Variants in KCNC2 observed in about 807,000 individuals in gnomAD.
KCNC2 encodes voltage-gated potassium channel KCNC2.
KCNC2 carries 21 observed loss-of-function variants against 44.5 expected under a neutral mutation model. That is an observed-to-expected ratio of 0.47 (90% CI 0.33 to 0.68). The LOEUF (loss-of-function observed/expected upper bound fraction) is 0.68. Among genes scored for constraint, KCNC2 ranks in the 30% least tolerant of loss-of-function variants. The pLI, the probability that KCNC2 is intolerant of heterozygous loss-of-function variation, is 0.01. For synonymous variants in KCNC2, 391 were observed against 339.1 expected (o/e 1.15, Z -1.68); for missense variants, 589 against 826.2 (o/e 0.71, Z 3.52).
Position 75,108,127 on chromosome 12 carries a change from T to A in KCNC2, c.688-56810A>T, listed in dbSNP as rs1367393557. On this transcript the variant is annotated intron_variant, in intron 2 of 4. Coordinates refer to ENST00000549446, the MANE Select transcript of KCNC2 (RefSeq NM_139137.4). Reference sequence around the variant, plus strand: ...ACATCAAACAGATATTTGCTACATTTTGGGTTATTTTCCACCTTCCACTTT... The same window carrying A: ...ACATCAAACAGATATTTGCTACATTATGGGTTATTTTCCACCTTCCACTTT... Among the ~76,000 whole-genome samples, 3 of 152,278 alleles carry A rather than the reference T, an allele frequency of 2.0e-5. No individual in the cohort carries two copies. The East Asian group carries it at 5.8e-4, about 29-fold the overall frequency.
chr12:75,178,566 A>G (rs533599809), intron 2 of KCNC2, among the ~76,000 whole-genome samples: 1 of 151,954 alleles, frequency 6.6e-6, no homozygotes, highest in African/African-American at 2.4e-5. Flanking sequence ...CAAAACCCCA[A>G]ATTTGGAAAC....
intron 2 of KCNC2, among the ~76,000 whole-genome samples, chr12:75,075,458 CATATATATATAT>C (rs5799200): frequency 6.9e-6 from 1 of 145,586 alleles, no homozygotes; most frequent in Non-Finnish European, 1.5e-5. Flanking sequence ...TATATATATA[CATATATATATAT>C]ATATATATAT....
Position 75,165,809 on chromosome 12 carries a change from T to C in KCNC2, c.687+41488A>G, listed in dbSNP as rs150236850. On this transcript the variant is annotated intron_variant, in intron 2 of 4. Coordinates refer to ENST00000549446, the MANE Select transcript of KCNC2 (RefSeq NM_139137.4). ...CCTAAGTGTTTCATCTATAACAACA[T>C]ACTAATATTTCAAGTAACAGATATC... 1.8e-3 allele frequency among the ~76,000 whole-genome samples: 279 copies of C among 151,642 alleles called. 1 individual carries two copies. Among genetic ancestry groups the C allele is most frequent in the Non-Finnish European group, 3.3e-3 (225 of 67,634 alleles).
At chr12:75,064,821 A>C (rs1039658338) in intron 2 of KCNC2, among the ~76,000 whole-genome samples, 5 of 151,964 alleles carry the variant, frequency 3.3e-5, no homozygotes, top group Non-Finnish European at 7.4e-5. Flanking sequence ...TATTGTTTCG[A>C]ATACTTGGAT....
At chr12:75,183,857 A>G (rs1163150210) in intron 2 of KCNC2, among the ~76,000 whole-genome samples, 1 of 152,192 alleles carries the variant, frequency 6.6e-6, no homozygotes, top group East Asian at 1.9e-4. Context: ...CGGGTCCTCC[A>G]CAATCTCCAT....
intron 2 of KCNC2, among the ~76,000 whole-genome samples, chr12:75,198,205 T>A (rs920143761): frequency 6.6e-6 from 1 of 151,882 alleles, no homozygotes; most frequent in Non-Finnish European, 1.5e-5. Flanking sequence ...CAAATTACAG[T>A]CAACATTATG....
intron 2 of KCNC2, among the ~76,000 whole-genome samples, chr12:75,103,524 A>T (rs376937468): frequency 6.6e-6 from 1 of 152,184 alleles, no homozygotes; most frequent in African/African-American, 2.4e-5. Context: ...CTTTTACCTC[A>T]TTTGCTTATT....
intron 2 of KCNC2, among the ~76,000 whole-genome samples, chr12:75,191,193 C>T (rs1037555672): frequency 6.6e-6 from 1 of 151,546 alleles, no homozygotes; most frequent in African/African-American, 2.4e-5. Context: ...AGATCTAAAA[C>T]CAGATTTAAA....
At chr12:75,192,205 C>T (rs954666533) in intron 2 of KCNC2, among the ~76,000 whole-genome samples, 9 of 152,108 alleles carry the variant, frequency 5.9e-5, no homozygotes, top group African/African-American at 2.2e-4. Flanking sequence ...TTTCTTTTTC[C>T]TGCGCTCCTT....
At chr12:75,081,244 C>G (rs1884474565) in intron 2 of KCNC2, among the ~76,000 whole-genome samples, 1 of 151,974 alleles carries the variant, frequency 6.6e-6, no homozygotes, top group Non-Finnish European at 1.5e-5. Flanking sequence ...TATATCAGGG[C>G]TCTGGCACAT....
At chr12:75,058,970 C>T (rs1358792294) in intron 2 of KCNC2, among the ~76,000 whole-genome samples, 3 of 151,986 alleles carry the variant, frequency 2.0e-5, no homozygotes, top group Non-Finnish European at 4.4e-5. Context: ...AGAACCCCTC[C>T]AATCCTATCT....
intron 2 of KCNC2, among the ~76,000 whole-genome samples, chr12:75,189,820 G>A (rs2030022281): frequency 6.6e-6 from 1 of 152,178 alleles, no homozygotes; most frequent in Non-Finnish European, 1.5e-5. Context: ...AGGGTTGTCA[G>A]CTGCGCTCTG....
At chr12:75,106,264 G>C (rs1053199623) in intron 2 of KCNC2, among the ~76,000 whole-genome samples, 1 of 152,186 alleles carries the variant, frequency 6.6e-6, no homozygotes, top group Non-Finnish European at 1.5e-5. Context: ...AAACCAGAGA[G>C]TGGTGGGTTC....
At chr12:75,100,741 A>G (rs1180740876) in intron 2 of KCNC2, among the ~76,000 whole-genome samples, 1 of 152,132 alleles carries the variant, frequency 6.6e-6, no homozygotes, top group Middle Eastern at 3.4e-3. Context: ...TATATTGTCA[A>G]TATGTTATGA....
intron 2 of KCNC2, among the ~76,000 whole-genome samples, chr12:75,081,721 T>G (rs1393803996): frequency 6.6e-6 from 1 of 152,040 alleles, no homozygotes; most frequent in Non-Finnish European, 1.5e-5. Flanking sequence ...AAAAATATAC[T>G]AACTTTTTGT....
chr12:75,054,574 A>G (rs1272664899), intron 2 of KCNC2, among the ~76,000 whole-genome samples: 3 of 152,174 alleles, frequency 2.0e-5, no homozygotes, highest in African/African-American at 7.2e-5. Flanking sequence ...AGGCTATTTT[A>G]TAAAATGAGC....
At chr12:75,155,906 G>T (rs967933384) in intron 2 of KCNC2, among the ~76,000 whole-genome samples, 3 of 151,754 alleles carry the variant, frequency 2.0e-5, no homozygotes, top group Admixed American at 2.0e-4. Context: ...CAAAGAAATG[G>T]GACTGTACAT....
chr12:75,052,921 T>C (rs1011410123), intron 2 of KCNC2, among the ~76,000 whole-genome samples: 4 of 152,174 alleles, frequency 2.6e-5, no homozygotes, highest in African/African-American at 7.2e-5. Context: ...TGCTCTTTCA[T>C]GCACATTTTC....
intron 2 of KCNC2, among the ~76,000 whole-genome samples, chr12:75,087,977 G>T (rs754342503): frequency 1.2e-4 from 17 of 145,384 alleles, no homozygotes; most frequent in Non-Finnish European, 2.1e-4. Context: ...ACATTTCATG[G>T]CAATGGATAT....
Sources: gnomAD v4.1 joint callset for allele counts (sites outside exome capture counted in the v4.1 genomes callset) on GRCh38, gnomAD v4.1.1 for gene constraint, MANE v1.5 for transcripts, NCBI Gene and HGNC (gene_info 2026-07-23, HGNC 2026-07-21) for gene names.